Variants in EXOC6 observed in about 807,000 individuals in gnomAD.
The protein encoded by EXOC6 is exocyst complex component 6, also known as SEC15-like 1.
In EXOC6, 60 loss-of-function variants were observed where a neutral mutation model predicts 112.5. The ratio of observed to expected loss-of-function variants is 0.53; its 90% CI spans 0.43 to 0.66. The LOEUF (loss-of-function observed/expected upper bound fraction) is 0.66. EXOC6 is among the 30% of genes least tolerant of loss of function. The probability of loss-of-function intolerance (pLI) is 0.00; values close to 1 mark genes in which losing one functional copy is unlikely to be tolerated. For synonymous variants in EXOC6, 295 were observed against 308.0 expected, an observed-to-expected ratio of 0.96 and a Z score of 0.44; for missense variants, 855 against 957.1, an observed-to-expected ratio of 0.89 and a Z score of 1.41.
intron 18 of EXOC6, among the ~76,000 whole-genome samples, chr10:92,978,036 A>G (rs886769648): frequency 7.2e-5 from 11 of 152,240 alleles, no homozygotes; most frequent in Non-Finnish European, 1.3e-4. Flanking sequence ...AAAGGAAATA[A>G]ATTTTTATAG....
chr10:92,867,153 A>G (rs960919758), intron 1 of EXOC6, among the ~76,000 whole-genome samples: 7 of 152,154 alleles, frequency 4.6e-5, no homozygotes, highest in Non-Finnish European at 8.8e-5. Context: ...CCAGATGTCA[A>G]AGACCTGTTC....
intron 20 of EXOC6, among the ~76,000 whole-genome samples, chr10:93,036,789 A>G (rs1845535092): frequency 6.6e-6 from 1 of 152,220 alleles, no homozygotes; most frequent in African/African-American, 2.4e-5. Flanking sequence ...AATATTTCTT[A>G]TTTACAATAT....
chr10:92,858,025 C>CCCCG lies in EXOC6; in HGVS notation c.101+9394_101+9395insGCCC, dbSNP rs1429555831. Among the ~76,000 whole-genome samples, 4 of 133,714 alleles carry CCCCG rather than the reference C, an allele frequency of 3.0e-5. 1 individual carries two copies. Among genetic ancestry groups the CCCCG allele is most frequent in the Non-Finnish European group, 6.3e-5 (4 of 63,464 alleles). The allele number at this position is 133,714 out of a possible 152,430, so 87.7% of individuals were successfully genotyped here. ...GTAAGATTTTTAGTTGACGGGTTCCCCCCCTCCGCCGGCCAGCAGTTTGAA... is the reference window on the plus strand; with the variant it reads ...GTAAGATTTTTAGTTGACGGGTTCCCCCCGCCCCTCCGCCGGCCAGCAGTTTGAA... On this transcript the variant is annotated intron_variant, in intron 1 of 21. Transcript: ENST00000260762.
At chr10:93,026,883 T>A (rs1283154958) in intron 20 of EXOC6, among the ~76,000 whole-genome samples, 1 of 152,184 alleles carries the variant, frequency 6.6e-6, no homozygotes, top group Non-Finnish European at 1.5e-5. Context: ...TACAGTGGCC[T>A]CTAAGTGTTC....
chr10:92,840,532 C>T (rs916423264), intron 1 of EXOC6, among the ~76,000 whole-genome samples: 2 of 152,120 alleles, frequency 1.3e-5, no homozygotes, highest in Non-Finnish European at 2.9e-5. Flanking sequence ...TAAATACATA[C>T]TTTAGAGTCC....
chr10:92,918,527 G>A (rs1447656187), intron 7 of EXOC6, among the ~76,000 whole-genome samples: 2 of 151,560 alleles, frequency 1.3e-5, no homozygotes, highest in African/African-American at 2.4e-5. Context: ...TGCTCCTCCT[G>A]CTTCAGCCTC....
At chr10:92,865,027 C>T (rs75276923) in intron 1 of EXOC6, among the ~76,000 whole-genome samples, 2,641 of 152,234 alleles carry the variant, frequency 0.017, 75 homozygotes, top group African/African-American at 0.059. Flanking sequence ...GCTGTTTTCA[C>T]ATGAATCAAT....
chr10:92,883,183 G>C (rs1849048016), intron 1 of EXOC6, among the ~76,000 whole-genome samples: 1 of 152,184 alleles, frequency 6.6e-6, no homozygotes, highest in Non-Finnish European at 1.5e-5. Flanking sequence ...CTAATTTGTT[G>C]CAGGAGAATT....
At chr10:92,856,819 T>C (rs1014484630) in intron 1 of EXOC6, among the ~76,000 whole-genome samples, 10 of 152,196 alleles carry the variant, frequency 6.6e-5, no homozygotes, top group Non-Finnish European at 1.0e-4. Flanking sequence ...TGTTGTTAGA[T>C]GCATATATGT....
At chr10:92,909,399 T>TAAA in intron 5 of EXOC6, 28 bp from the exon 6 acceptor site, 1 of 1,493,032 alleles carries the variant, frequency 6.7e-7, no homozygotes, top group South Asian at 1.2e-5. Context: ...GAACTTTTTA[T>TAAA]AGAGTTTTCT....
intron 1 of EXOC6, among the ~76,000 whole-genome samples, chr10:92,837,607 G>A (rs1255899369): frequency 6.6e-6 from 1 of 152,208 alleles, no homozygotes; most frequent in African/African-American, 2.4e-5. Flanking sequence ...AGACTGCGGC[G>A]AGCTGTGATC....
chr10:92,954,615 A>C lies in EXOC6; in HGVS notation c.1527-15A>C. The C allele has an allele frequency of 7.6e-7, 1 of 1,308,612 alleles. No homozygotes were observed. Among genetic ancestry groups the C allele is most frequent in the Non-Finnish European group, 1.1e-6 (1 of 913,954 alleles). 81.1% of individuals were successfully genotyped at this position (1,308,612 alleles called of 1,614,324 possible). ...ATTATTTATTAAGTTTAATAATATC[A>C]ATCTTTGTTTTTAGCTCAACAGAAA... On this transcript the variant is annotated splice_polypyrimidine_tract_variant and intron_variant, in intron 15 of 21. Coordinates refer to ENST00000260762, the MANE Select transcript of EXOC6 (RefSeq NM_019053.6).
chr10:92,969,646 GTGCA>G (rs1388141506), intron 17 of EXOC6, among the ~76,000 whole-genome samples: 1 of 151,704 alleles, frequency 6.6e-6, no homozygotes, highest in African/African-American at 2.4e-5. Context: ...GTATTAATTT[GTGCA>G]TGTTTATTCA....
At chr10:92,976,102 G>C (rs2134102770) in intron 18 of EXOC6, among the ~76,000 whole-genome samples, 1 of 150,888 alleles carries the variant, frequency 6.6e-6, no homozygotes, top group Middle Eastern at 3.5e-3. Context: ...GGTGAGGGGC[G>C]CCTCTGCCCG....
At chr10:92,886,583 A>C (rs1241206403) in intron 1 of EXOC6, among the ~76,000 whole-genome samples, 1 of 152,248 alleles carries the variant, frequency 6.6e-6, no homozygotes, top group Non-Finnish European at 1.5e-5. Flanking sequence ...GTAATATAGT[A>C]GTTCAGAGCA....
At chr10:92,834,261 C>A (rs1379192916), upstream of EXOC6, among the ~76,000 whole-genome samples, 1 of 152,054 alleles carries the variant, frequency 6.6e-6, no homozygotes, top group Non-Finnish European at 1.5e-5. Flanking sequence ...TGTGGGCAAG[C>A]CCTTGCCCAC....
chr10:92,881,065 T>G (rs1157692859), intron 1 of EXOC6, among the ~76,000 whole-genome samples: 1 of 152,182 alleles, frequency 6.6e-6, no homozygotes, highest in Non-Finnish European at 1.5e-5. Flanking sequence ...AGCTACCTGC[T>G]GGGGCTGAAG....
intron 1 of EXOC6, among the ~76,000 whole-genome samples, chr10:92,855,886 A>G (rs966719572): frequency 6.6e-5 from 10 of 151,146 alleles, no homozygotes; most frequent in Admixed American, 6.6e-4. Context: ...TTTTTTTGAG[A>G]TGAAGTCTTG....
At chr10:93,018,404 T>C (rs1813686422) in intron 20 of EXOC6, among the ~76,000 whole-genome samples, 1 of 152,128 alleles carries the variant, frequency 6.6e-6, no homozygotes, top group Non-Finnish European at 1.5e-5. Context: ...CATTAGAATA[T>C]ACAAAAAAGT....
Sources: gnomAD v4.1 joint callset for allele counts (sites outside exome capture counted in the v4.1 genomes callset) on GRCh38, gnomAD v4.1.1 for gene constraint, MANE v1.5 for transcripts, NCBI Gene and HGNC (gene_info 2026-07-23, HGNC 2026-07-21) for gene names.